UBE2H: variants seen among roughly 807,000 people sequenced by gnomAD.
UBE2H encodes the protein ubiquitin-conjugating enzyme E2 H.
UBE2H carries 3 observed loss-of-function variants against 29.0 expected under a neutral mutation model. The observed-to-expected ratio is 0.10, with a 90% CI of 0.05 to 0.27. The LOEUF (loss-of-function observed/expected upper bound fraction) is 0.27. Among genes scored for constraint, UBE2H ranks in the 10% least tolerant of loss-of-function variants. The probability of loss-of-function intolerance (pLI) is 1.00; values close to 1 mark genes in which losing one functional copy is unlikely to be tolerated. For missense variants in UBE2H, 68 were observed against 228.2 expected (o/e 0.30, Z 4.52); for synonymous variants, 69 against 82.9 (o/e 0.83, Z 0.91).
Position 129,952,653 on chromosome 7 carries a change from G to C in UBE2H, c.-98C>G. 1.4e-6 allele frequency: 2 copies of C among 1,459,136 alleles called. No homozygotes were observed. The highest frequency in any genetic ancestry group is 2.9e-5 in the African/African-American group (2 of 68,872). 90.4% of individuals were successfully genotyped at this position (1,459,136 alleles called of 1,614,324 possible). A position where few individuals can be genotyped will look rare whatever the true frequency, so the allele number is the denominator to read the frequency against. ...GCGGCCGCGCCGGCTCCTCGGTGGA[G>C]GTGGCAACACCCCCGCGGTCCCGGC... On this transcript the variant is annotated 5_prime_UTR_variant, in exon 1 of 7. Coordinates refer to ENST00000355621, the MANE Select transcript of UBE2H (RefSeq NM_003344.4).
chr7:129,836,224 A>C (rs1411401790), intron 6 of UBE2H, among the ~76,000 whole-genome samples: 4 of 152,232 alleles, frequency 2.6e-5, no homozygotes. Flanking sequence ...TAATGGGTTG[A>C]CTATTTTGCG....
At chr7:129,881,585 T>C (rs1806255190) in intron 1 of UBE2H, among the ~76,000 whole-genome samples, 1 of 151,876 alleles carries the variant, frequency 6.6e-6, no homozygotes, top group Non-Finnish European at 1.5e-5. Context: ...GAGGTGGAGG[T>C]TGCAGTGAGC....
intron 3 of UBE2H, among the ~76,000 whole-genome samples, chr7:129,876,834 G>A (rs909160502): frequency 9.2e-5 from 14 of 152,050 alleles, no homozygotes; most frequent in African/African-American, 3.4e-4. Context: ...CCACTATTTC[G>A]AATACCCACT....
chr7:129,874,954 GA>G (rs770040296), intron 3 of UBE2H, among the ~76,000 whole-genome samples: 2 of 152,114 alleles, frequency 1.3e-5, no homozygotes, highest in East Asian at 3.9e-4. Context: ...AAATTTAAAG[GA>G]AAAAAGAAGG....
chr7:129,869,978 T>A (rs1269663379), intron 3 of UBE2H, among the ~76,000 whole-genome samples: 2 of 152,208 alleles, frequency 1.3e-5, no homozygotes, highest in Non-Finnish European at 2.9e-5. Context: ...CTACTTTCTT[T>A]CTCTCCCTTT....
chr7:129,905,120 G>C (rs1372370067), intron 1 of UBE2H, among the ~76,000 whole-genome samples: 1 of 151,986 alleles, frequency 6.6e-6, no homozygotes, highest in East Asian at 1.9e-4. Context: ...TTCAAGTACA[G>C]CCAGAATCAA....
At chr7:129,873,768 G>A (rs1806091534) in intron 3 of UBE2H, among the ~76,000 whole-genome samples, 1 of 152,116 alleles carries the variant, frequency 6.6e-6, no homozygotes, top group South Asian at 2.1e-4. Context: ...GCACGAGCTT[G>A]CTGGTTTTGT....
At chr7:129,937,566 A>T (rs1258013224) in intron 1 of UBE2H, among the ~76,000 whole-genome samples, 1 of 152,210 alleles carries the variant, frequency 6.6e-6, no homozygotes, top group Non-Finnish European at 1.5e-5. Context: ...TGGATAAAAA[A>T]GCAAGTGAGT....
intron 3 of UBE2H, 60 bp downstream of exon 3, chr7:129,879,508 A>C: frequency 6.7e-7 from 1 of 1,495,894 alleles, no homozygotes; most frequent in Non-Finnish European, 9.2e-7. Flanking sequence ...CCTGAAATGT[A>C]AGATTTTTCC....
chr7:129,855,932 T>C (rs1271896797), intron 5 of UBE2H, among the ~76,000 whole-genome samples: 3 of 152,032 alleles, frequency 2.0e-5, no homozygotes, highest in South Asian at 2.1e-4. Context: ...TTAAAAAATA[T>C]ATATACAACT....
At chr7:129,885,908 A>G (rs1176183058) in intron 1 of UBE2H, among the ~76,000 whole-genome samples, 1 of 152,226 alleles carries the variant, frequency 6.6e-6, no homozygotes, top group Admixed American at 6.5e-5. Flanking sequence ...TACCACGTGT[A>G]TTTATGGGAG....
rs554828905 is a variant in UBE2H at position 129,892,966 on chromosome 7, G to C, written c.54-11995C>G. Among the ~76,000 whole-genome samples, 26 of 152,232 alleles carry C rather than the reference G, an allele frequency of 1.7e-4. 1 individual carries two copies. In the East Asian group the frequency reaches 4.8e-3, roughly 28 times the overall value. ...AAGCTGTCAAACAGCTTCTGAATAA[G>C]GGAAGTATCACTTATTTAAAAATAG... On this transcript the variant is annotated intron_variant, in intron 1 of 6. Transcript: ENST00000355621.
intron 1 of UBE2H, among the ~76,000 whole-genome samples, chr7:129,907,928 C>T (rs972832700): frequency 2.0e-5 from 3 of 152,134 alleles, no homozygotes; most frequent in Non-Finnish European, 4.4e-5. Context: ...GCTGATTATA[C>T]ACATTTTTTC....
At chr7:129,942,795 T>C (rs1240852042) in intron 1 of UBE2H, among the ~76,000 whole-genome samples, 1 of 151,830 alleles carries the variant, frequency 6.6e-6, no homozygotes, top group Non-Finnish European at 1.5e-5. Flanking sequence ...CTAGCAAATA[T>C]AAAAATAAAA....
chr7:129,929,057 G>T (rs1037332166), intron 1 of UBE2H, among the ~76,000 whole-genome samples: 1 of 152,128 alleles, frequency 6.6e-6, no homozygotes. Context: ...GGTGGCTCAC[G>T]CCTGTAATCC....
chr7:129,893,916 T>A lies in UBE2H; in HGVS notation c.54-12945A>T, dbSNP rs895734808. Among the ~76,000 whole-genome samples the A allele has an allele frequency of 2.1e-4, 32 of 152,246 alleles. 1 individual carries two copies. The highest frequency in any genetic ancestry group is 2.9e-5 in the Non-Finnish European group (2 of 68,048). On this transcript the variant is annotated intron_variant, in intron 1 of 6. Coordinates refer to ENST00000355621, the MANE Select transcript of UBE2H (RefSeq NM_003344.4). ...GTTCACACCTGTACTCCCGGCACTT[T>A]GGGAGGCCGAGGCAGGTGGATCACC...
chr7:129,847,258 C>T (rs750431273), intron 5 of UBE2H, among the ~76,000 whole-genome samples: 29 of 152,138 alleles, frequency 1.9e-4, no homozygotes, highest in Non-Finnish European at 3.8e-4. Context: ...AGGCTGGTCT[C>T]GAACTCCTGA....
chr7:129,939,320 T>G (rs1807595389), intron 1 of UBE2H, among the ~76,000 whole-genome samples: 1 of 152,188 alleles, frequency 6.6e-6, no homozygotes, highest in African/African-American at 2.4e-5. Flanking sequence ...ACTGAAGGAA[T>G]GAGCCACTGC....
At chr7:129,867,724 C>CAAAAAAAAAAAAAAAAAAAAAAAA (rs1473451530) in intron 3 of UBE2H, among the ~76,000 whole-genome samples, 6 of 31,208 alleles carry the variant, frequency 1.9e-4, no homozygotes, top group African/African-American at 2.7e-4. Flanking sequence ...AAAAGAAAAC[C>CAAAAAAAAAAAAAAAAAAAAAAAA]AAAAAAAAAA....
Sources: gnomAD v4.1 joint callset for allele counts (sites outside exome capture counted in the v4.1 genomes callset) on GRCh38, gnomAD v4.1.1 for gene constraint, MANE v1.5 for transcripts, NCBI Gene and HGNC (gene_info 2026-07-23, HGNC 2026-07-21) for gene names.